The following TMPRSS11E variants were observed in gnomAD, a reference collection of about 807,000 sequenced individuals.
The protein encoded by TMPRSS11E is transmembrane protease serine 11E.
Under a neutral mutation model 48.1 loss-of-function variants are expected in TMPRSS11E, and 38 were observed. That is an observed-to-expected ratio of 0.79 (90% CI 0.61 to 1.04). TMPRSS11E has a LOEUF of 1.04. Ranked by LOEUF, TMPRSS11E falls within the 50% of genes least tolerant of loss-of-function variation. TMPRSS11E has a pLI of 0.00. For missense variants in TMPRSS11E, 530 were observed against 510.8 expected (o/e 1.04, Z -0.36); for synonymous variants, 158 against 171.9 (o/e 0.92, Z 0.63).
At position 68,478,147 on chromosome 4, in the gene TMPRSS11E, A is replaced by AT. The variant is rs879193345; in HGVS notation, c.967+520dup. Among the ~76,000 whole-genome samples, 5 of 90,550 alleles carry AT rather than the reference A, an allele frequency of 5.5e-5. 1 individual carries two copies. The highest frequency in any genetic ancestry group is 2.2e-4 in the Admixed American group (2 of 8,968). The allele number at this position is 90,550 out of a possible 152,430, so 59.4% of individuals were successfully genotyped here. On this transcript the variant is annotated intron_variant, in intron 8 of 9. Transcript: ENST00000305363. ...ATGTAGTCTAAGATTCTGTATCACT[A>AT]TCTTTTTTTTTTTTTTTTGAGACAG...
chr4:68,474,795 C>T (rs533681451), intron 6 of TMPRSS11E, 34 bp downstream of exon 6: 1 of 1,563,048 alleles, frequency 6.4e-7, no homozygotes, highest in East Asian at 2.3e-5. Context: ...ATAGCATTAC[C>T]TGAAGGTAAA....
intron 9 of TMPRSS11E, among the ~76,000 whole-genome samples, chr4:68,492,734 C>T (rs1192449745): frequency 6.6e-6 from 1 of 152,140 alleles, no homozygotes; most frequent in Non-Finnish European, 1.5e-5. Context: ...AAAAATGTGA[C>T]CAGAGTCTCC....
intron 7 of TMPRSS11E, among the ~76,000 whole-genome samples, chr4:68,476,736 C>G (rs1446831705): frequency 6.6e-6 from 1 of 152,158 alleles, no homozygotes; most frequent in East Asian, 1.9e-4. Flanking sequence ...CAGGAGTGCT[C>G]TATCTCTGCT....
chr4:68,477,019 G>T (rs893969283), intron 7 of TMPRSS11E, among the ~76,000 whole-genome samples: 6 of 151,992 alleles, frequency 3.9e-5, no homozygotes, highest in African/African-American at 1.4e-4. Context: ...AGAGAAATGT[G>T]TATATTTCTG....
At chr4:68,466,143 C>T (rs149585555) in intron 2 of TMPRSS11E, among the ~76,000 whole-genome samples, 8 of 152,308 alleles carry the variant, frequency 5.3e-5, no homozygotes, top group Non-Finnish European at 1.0e-4. Flanking sequence ...TAATTCCTAA[C>T]CTCATCTTCC....
intron 9 of TMPRSS11E, among the ~76,000 whole-genome samples, chr4:68,492,802 C>T (rs1729766447): frequency 6.6e-6 from 1 of 152,142 alleles, no homozygotes; most frequent in Admixed American, 6.6e-5. Flanking sequence ...ATTAATTCAG[C>T]ATTTGTGGTG....
At chr4:68,477,914 A>G (rs531946402) in intron 8 of TMPRSS11E, among the ~76,000 whole-genome samples, 40 of 152,150 alleles carry the variant, frequency 2.6e-4, no homozygotes, top group Non-Finnish European at 4.9e-4. Flanking sequence ...AGAATTAACC[A>G]GTTTAGAGAT....
At chr4:68,459,534 A>G (rs1297464316) in intron 1 of TMPRSS11E, among the ~76,000 whole-genome samples, 2 of 152,192 alleles carry the variant, frequency 1.3e-5, no homozygotes, top group African/African-American at 4.8e-5. Context: ...TTATTTATGA[A>G]AACCGAAACA....
rs1729889260 is a variant in TMPRSS11E, at chr4:68,496,968, G to A, written c.*164G>A. On this transcript the variant is annotated 3_prime_UTR_variant, in exon 10 of 10. Coordinates refer to ENST00000305363, the MANE Select transcript of TMPRSS11E (RefSeq NM_014058.4). Reference sequence around the variant, plus strand: ...TGTATTTTCTTCCCAGCTCTGTTCCGCACATAAGCATCCTGCTTCTGCCAG... The same window carrying A: ...TGTATTTTCTTCCCAGCTCTGTTCCACACATAAGCATCCTGCTTCTGCCAG... 5 of 687,012 alleles carry A rather than the reference G, an allele frequency of 7.3e-6. No homozygotes were observed. The highest frequency in any genetic ancestry group is 3.0e-5 in the Admixed American group (1 of 33,658). The allele number at this position is 687,012 out of a possible 1,614,324, so 42.6% of individuals were successfully genotyped here.
At chr4:68,483,899 C>T (rs866197298) in intron 9 of TMPRSS11E, among the ~76,000 whole-genome samples, 5 of 152,128 alleles carry the variant, frequency 3.3e-5, no homozygotes, top group Non-Finnish European at 4.4e-5. Context: ...GAGTCCTTTC[C>T]CCATTTCTTG....
intron 9 of TMPRSS11E, among the ~76,000 whole-genome samples, chr4:68,479,550 A>G (rs1218467692): frequency 6.7e-6 from 1 of 149,774 alleles, no homozygotes; most frequent in Non-Finnish European, 1.5e-5. Context: ...AAATTTTACT[A>G]GTTTTGGTGG....
At chr4:68,469,570 T>C (rs748121923) in intron 4 of TMPRSS11E, among the ~76,000 whole-genome samples, 14 of 151,946 alleles carry the variant, frequency 9.2e-5, no homozygotes, top group Non-Finnish European at 1.8e-4. Flanking sequence ...ATTACTTAGC[T>C]GATATCTCTA....
intron 5 of TMPRSS11E, among the ~76,000 whole-genome samples, chr4:68,472,723 C>T (rs1159898772): frequency 1.3e-5 from 2 of 152,036 alleles, no homozygotes; most frequent in Non-Finnish European, 2.9e-5. Flanking sequence ...GGGACAGATA[C>T]ATAATTTATG....
At chr4:68,463,104 C>T (rs997245141) in intron 2 of TMPRSS11E, among the ~76,000 whole-genome samples, 2 of 152,128 alleles carry the variant, frequency 1.3e-5, no homozygotes, top group Non-Finnish European at 2.9e-5. Flanking sequence ...TTTCCAGTAA[C>T]GAGAAAGAGT....
intron 2 of TMPRSS11E, among the ~76,000 whole-genome samples, chr4:68,463,378 T>G (rs1260329117): frequency 6.6e-6 from 1 of 152,124 alleles, no homozygotes; most frequent in Non-Finnish European, 1.5e-5. Context: ...CTCGGCTCAC[T>G]GCAACCCCTG....
At position 68,481,671 on chromosome 4, in the gene TMPRSS11E, C is replaced by G. The variant is rs1047242406; in HGVS notation, c.1110+2680C>G. Among the ~76,000 whole-genome samples the G allele has an allele frequency of 2.6e-5, 4 of 152,168 alleles. No homozygotes were observed. In the South Asian group the frequency reaches 8.3e-4, roughly 32 times the overall value. ...CACTGCTATAAAAAAATACCTGGGT[C>G]GGGAATGGTGGCTCATGCAGGTAAT... On this transcript the variant is annotated intron_variant, in intron 9 of 9. Coordinates refer to ENST00000305363, the MANE Select transcript of TMPRSS11E (RefSeq NM_014058.4).
intron 2 of TMPRSS11E, among the ~76,000 whole-genome samples, chr4:68,464,248 C>A (rs1227476781): frequency 6.6e-6 from 1 of 152,016 alleles, no homozygotes. Context: ...CAAATCAAAC[C>A]AAACCAAAAA....
At chr4:68,480,373 A>G (rs1027453910) in intron 9 of TMPRSS11E, among the ~76,000 whole-genome samples, 1 of 152,036 alleles carries the variant, frequency 6.6e-6, no homozygotes, top group Non-Finnish European at 1.5e-5. Context: ...TGTATCTTCA[A>G]GTTTACTGAT....
At chr4:68,454,739 C>G (rs1414453034) in intron 1 of TMPRSS11E, among the ~76,000 whole-genome samples, 1 of 151,866 alleles carries the variant, frequency 6.6e-6, no homozygotes, top group East Asian at 1.9e-4. Context: ...AAGGAAACAG[C>G]AAGCCAGAGG....
Sources: gnomAD v4.1 joint callset for allele counts (sites outside exome capture counted in the v4.1 genomes callset) on GRCh38, gnomAD v4.1.1 for gene constraint, MANE v1.5 for transcripts, NCBI Gene and HGNC (gene_info 2026-07-23, HGNC 2026-07-21) for gene names.